ITPR2: variants seen among roughly 807,000 people sequenced by gnomAD.
ITPR2 encodes inositol 1,4,5-trisphosphate receptor type 2.
In ITPR2, 207 loss-of-function variants were observed where a neutral mutation model predicts 317.1. That is an observed-to-expected ratio of 0.65 (90% CI 0.58 to 0.73). The LOEUF (loss-of-function observed/expected upper bound fraction) is 0.73, where lower values mean the gene tolerates loss of function less well. Among genes scored for constraint, ITPR2 ranks in the 30% least tolerant of loss-of-function variants. ITPR2 has a pLI of 0.00. For synonymous variants in ITPR2, 1,156 were observed against 1,149.1 expected (o/e 1.01, Z -0.12); for missense variants, 2,613 against 3,284.0 (o/e 0.80, Z 4.99).
intron 32 of ITPR2, among the ~76,000 whole-genome samples, chr12:26,581,947 G>A (rs950167219): frequency 3.3e-5 from 5 of 152,110 alleles, no homozygotes; most frequent in South Asian, 4.2e-4. Flanking sequence ...TGCATCTTCT[G>A]CAACTGGGCA....
At chr12:26,799,200 C>T (rs1208603615) in intron 1 of ITPR2, among the ~76,000 whole-genome samples, 2 of 152,068 alleles carry the variant, frequency 1.3e-5, no homozygotes, top group African/African-American at 4.8e-5. Context: ...TCAAAATATT[C>T]CCACTTATTT....
chr12:26,559,950 A>G (rs989860443), intron 35 of ITPR2, among the ~76,000 whole-genome samples: 4 of 152,152 alleles, frequency 2.6e-5, no homozygotes, highest in Non-Finnish European at 4.4e-5. Context: ...TATTTTTTAC[A>G]TTGCAGTTTT....
intron 2 of ITPR2, among the ~76,000 whole-genome samples, chr12:26,740,180 T>G (rs911449444): frequency 2.0e-5 from 3 of 152,168 alleles, no homozygotes; most frequent in African/African-American, 7.2e-5. Flanking sequence ...AATTTCAATT[T>G]GAAGAAAAGA....
At chr12:26,387,986 C>A (rs181343915) in intron 54 of ITPR2, among the ~76,000 whole-genome samples, 4 of 152,140 alleles carry the variant, frequency 2.6e-5, no homozygotes, top group Admixed American at 2.0e-4. Flanking sequence ...AAAAAAATGT[C>A]ATTTTACCCA....
intron 37 of ITPR2, among the ~76,000 whole-genome samples, chr12:26,529,940 A>G (rs532199427): frequency 2.0e-5 from 3 of 152,342 alleles, no homozygotes; most frequent in African/African-American, 7.2e-5. Context: ...TCACAACTGT[A>G]TCTTCAGTAA....
At chr12:26,622,139 C>T (rs1051615244) in intron 25 of ITPR2, 101 bp downstream of exon 25, 20 of 1,010,804 alleles carry the variant, frequency 2.0e-5, no homozygotes, top group African/African-American at 3.3e-5. Context: ...CCAGGAAAAG[C>T]CACACAGTGT....
intron 13 of ITPR2, among the ~76,000 whole-genome samples, chr12:26,669,917 G>A (rs181049197): frequency 6.6e-6 from 1 of 152,246 alleles, no homozygotes; most frequent in Non-Finnish European, 1.5e-5. Flanking sequence ...GGCTGGGAGG[G>A]TCCTACGCCC....
intron 52 of ITPR2, among the ~76,000 whole-genome samples, chr12:26,407,049 C>G (rs1222171362): frequency 6.6e-6 from 1 of 152,122 alleles, no homozygotes; most frequent in Non-Finnish European, 1.5e-5. Context: ...AGATGGAATC[C>G]TCGCTTTCCT....
chr12:26,464,785 G>A (rs544712354), intron 45 of ITPR2, among the ~76,000 whole-genome samples: 86 of 152,320 alleles, frequency 5.6e-4, no homozygotes, highest in African/African-American at 1.8e-3. Context: ...CACAGCAGGC[G>A]TGGTGTGCCA....
chr12:26,685,448 T>G (rs1450137699), intron 11 of ITPR2, among the ~76,000 whole-genome samples: 1 of 151,872 alleles, frequency 6.6e-6, no homozygotes, highest in Non-Finnish European at 1.5e-5. Context: ...TATACAAAAA[T>G]TAGCAGAGCA....
intron 2 of ITPR2, among the ~76,000 whole-genome samples, chr12:26,766,907 G>T (rs1240883752): frequency 2.0e-5 from 3 of 152,160 alleles, no homozygotes; most frequent in Non-Finnish European, 4.4e-5. Context: ...CTAGAAAATG[G>T]AAACCACTGA....
intron 34 of ITPR2, among the ~76,000 whole-genome samples, chr12:26,567,857 T>A (rs896902799): frequency 6.7e-6 from 1 of 148,442 alleles, no homozygotes; most frequent in Non-Finnish European, 1.5e-5. Flanking sequence ...AGGACATTAA[T>A]AAATAGAACA....
chr12:26,555,775 C>T lies in ITPR2; in HGVS notation c.4964+458G>A, dbSNP rs1944647283. On this transcript the variant is annotated intron_variant, in intron 36 of 56. Coordinates refer to ENST00000381340, the MANE Select transcript of ITPR2 (RefSeq NM_002223.4). Reference sequence around the variant, plus strand: ...GTCCTCAGCAATCTCCTCTCTGAATCAGGCTGACCTCCCAGTCTCTGGGTG... The same window carrying T: ...GTCCTCAGCAATCTCCTCTCTGAATTAGGCTGACCTCCCAGTCTCTGGGTG... 3.9e-5 allele frequency among the ~76,000 whole-genome samples: 6 copies of T among 152,292 alleles called. No individual in the cohort carries two copies. The South Asian group carries it at 1.2e-3, about 32-fold the overall frequency.
intron 2 of ITPR2, among the ~76,000 whole-genome samples, chr12:26,776,153 C>T (rs973183068): frequency 1.3e-5 from 2 of 151,804 alleles, no homozygotes; most frequent in Admixed American, 6.6e-5. Flanking sequence ...ACTGATAGTC[C>T]TTAGCATGAG....
chr12:26,403,428 T>C (rs1164543641), intron 52 of ITPR2, among the ~76,000 whole-genome samples: 1 of 152,074 alleles, frequency 6.6e-6, no homozygotes, highest in Non-Finnish European at 1.5e-5. Context: ...AGATAAAACA[T>C]GTAGAAGACA....
At chr12:26,600,189 C>A in intron 28 of ITPR2, 80 bp from the exon 29 acceptor site, 1 of 1,262,838 alleles carries the variant, frequency 7.9e-7, no homozygotes. Flanking sequence ...CCTTCACCCA[C>A]ATACCATTTT....
chr12:26,782,033 T>G (rs1348845087), intron 2 of ITPR2, among the ~76,000 whole-genome samples: 208 of 17,900 alleles, frequency 0.012, no homozygotes, highest in African/African-American at 0.039. Flanking sequence ...TATATATATA[T>G]GTATAGAGAG....
rs780870844 is a variant in ITPR2 at position 26,653,991 on chromosome 12, T to C, written c.2725A>G (p.Lys909Glu). The change falls in exon 21 of 57, where the codon AAA becomes GAA. Residue 909 changes from lysine (K) to glutamate (E), a missense_variant. By Grantham distance (56) the Lys-to-Glu change is moderately conservative. This residue lies in a region of ITPR2 where 817 missense variants were observed against 897.6 expected (regional missense o/e 0.91). Coordinates refer to ENST00000381340, the MANE Select transcript of ITPR2 (RefSeq NM_002223.4). ...PMSSYFERLS[K>E]FQDGGNNVMR... is the part of the protein sequence containing the mutation. ...AAATTCTTACCTCCATCTTGAAATT[T>C]GCTTAATCTTTCAAAGTATGATGAC... 1 of 1,610,652 alleles carries C rather than the reference T, an allele frequency of 6.2e-7. No individual in the cohort carries two copies. Among genetic ancestry groups the C allele is most frequent in the South Asian group, 1.1e-5 (1 of 90,778 alleles).
chr12:26,351,647 C>G (rs931351598), intron 55 of ITPR2, among the ~76,000 whole-genome samples: 1 of 151,932 alleles, frequency 6.6e-6, no homozygotes, highest in Non-Finnish European at 1.5e-5. Context: ...ACGGTGAGAC[C>G]CTGTCTCAAA....
Sources: allele counts gnomAD v4.1 joint callset (sites outside exome capture counted in the v4.1 genomes callset), GRCh38; gene constraint gnomAD v4.1.1; regional missense constraint gnomAD v4.1.1; transcripts MANE v1.5; gene names NCBI Gene and HGNC (gene_info 2026-07-23, HGNC 2026-07-21).